Variants in TMEM268 observed in about 807,000 individuals in gnomAD.
TMEM268 encodes transmembrane protein C9orf91.
In TMEM268, 24 loss-of-function variants were observed where a neutral mutation model predicts 39.1. The observed-to-expected ratio is 0.61, with a 90% confidence interval of 0.44 to 0.86. The LOEUF is 0.86. Among genes scored for constraint, TMEM268 ranks in the 40% least tolerant of loss-of-function variants. The pLI is 0.00. For synonymous variants in TMEM268, 176 were observed against 173.5 expected (o/e 1.01, Z -0.12); for missense variants, 409 against 428.6 (o/e 0.95, Z 0.40).
At chr9:114,604,534 C>T in the TMEM268 span, among the ~76,000 whole-genome samples, 2 of 137,016 alleles carry the variant, frequency 1.5e-5, no homozygotes, top group Non-Finnish European at 3.0e-5. Flanking sequence ...GAGCTGAGAT[C>T]GAGATCGCAC....
chr9:114,639,976 C>T (rs1846823050), intron 8 of TMEM268, among the ~76,000 whole-genome samples: 1 of 150,526 alleles, frequency 6.6e-6, no homozygotes, highest in Admixed American at 6.6e-5. Flanking sequence ...TCTTGAACTC[C>T]TGAGCTCAAG....
rs752799336 is a variant in TMEM268 at position 114,624,399 on chromosome 9, T to C, written c.156T>C (p.Cys52=). The C allele has an allele frequency of 1.0e-5, 16 of 1,603,600 alleles. No individual in the cohort carries two copies. The South Asian group carries it at 1.6e-4, about 16-fold the overall frequency. Residue 52 remains cysteine, a synonymous_variant, in exon 3 of 9, where the codon TGT becomes TGC. Coordinates refer to ENST00000288502, the MANE Select transcript of TMEM268 (RefSeq NM_153045.4). The stretch of plus-strand genomic sequence containing the variant: ...CTGTTCTCCGGATTGACAATACCTG[T>C]GCACCCATCTCCTTCGACCTGGGAG... ...VLTVLRIDNT[C]APISFDLGAA... is the part of the protein sequence containing the mutation.
the TMEM268 span, among the ~76,000 whole-genome samples, chr9:114,606,095 T>C: frequency 3.3e-5 from 5 of 152,054 alleles, no homozygotes; most frequent in Admixed American, 6.6e-5. Flanking sequence ...AAAAGACCGA[T>C]AGTCTAGTTA....
intron 6 of TMEM268, among the ~76,000 whole-genome samples, chr9:114,634,514 G>C (rs1363111235): frequency 1.3e-5 from 2 of 152,158 alleles, no homozygotes; most frequent in South Asian, 2.1e-4. Context: ...GGCGTGGCAG[G>C]GTGGGTCAGA....
At chr9:114,605,529 A>T in the TMEM268 span, among the ~76,000 whole-genome samples, 2 of 152,162 alleles carry the variant, frequency 1.3e-5, no homozygotes, top group African/African-American at 2.4e-5. Flanking sequence ...TCAGCTGTGA[A>T]TTTAAAGCCA....
chr9:114,628,191 C>G lies in TMEM268; in HGVS notation c.415C>G (p.Leu139Val), dbSNP rs773356275. The G allele has an allele frequency of 1.2e-6, 2 of 1,614,196 alleles. No homozygotes were observed. Among genetic ancestry groups the G allele is most frequent in the Admixed American group, 3.3e-5 (2 of 60,018 alleles). Residue 139 changes from leucine to valine, a missense_variant, in exon 5 of 9, where the codon CTG (leucine) becomes GTG (valine). Coordinates refer to ENST00000288502, the MANE Select transcript of TMEM268 (RefSeq NM_153045.4). ...NHWAGMLLVT[L>V]AAVSLTLTLV... ...CTGGGCTGGCATGCTGCTCGTGACCCTGGCCGCGGTGAGCCTGACCTTGAC... is the reference window on the plus strand; with the variant it reads ...CTGGGCTGGCATGCTGCTCGTGACCGTGGCCGCGGTGAGCCTGACCTTGAC...
At chr9:114,622,059 G>T (rs1181287782) in intron 2 of TMEM268, 9 of 985,056 alleles carry the variant, frequency 9.1e-6, no homozygotes, top group Non-Finnish European at 1.1e-5. Flanking sequence ...AGGTGAGGAT[G>T]CCAGGAGGGC....
In TMEM268 at chr9:114,626,950, C is replaced by A. The variant is rs772884544; in HGVS notation, c.268C>A (p.Gln90Lys). 6.2e-7 allele frequency: 1 copy of A among 1,613,752 alleles called. No individual in the cohort carries two copies. The highest frequency in any genetic ancestry group is 1.3e-5 in the African/African-American group (1 of 75,036). ...GGCTGAGAGTGCCCTCTTGGAGCCC[C>A]AAGTGAGAAGATATATCATCTACAA... ...SLAESALLEP[Q>K]VRRYIIYNSR... The change falls in exon 4 of 9, where the codon CAA becomes AAA. Residue 90 changes from glutamine to lysine, a missense_variant. Physicochemically the swap from Gln to Lys is moderately conservative, Grantham distance 53 (BLOSUM62 1). Coordinates refer to ENST00000288502, the MANE Select transcript of TMEM268 (RefSeq NM_153045.4).
intron 5 of TMEM268, among the ~76,000 whole-genome samples, chr9:114,631,380 A>T (rs1244758815): frequency 6.6e-6 from 1 of 152,070 alleles, no homozygotes; most frequent in African/African-American, 2.4e-5. Flanking sequence ...AGTTCCTACA[A>T]ATATTTGCGG....
intron 4 of TMEM268, among the ~76,000 whole-genome samples, chr9:114,627,507 C>G (rs1846214841): frequency 6.6e-6 from 1 of 152,142 alleles, no homozygotes; most frequent in African/African-American, 2.4e-5. Context: ...CCCAGGCAGT[C>G]TGGTTTCAGC....
the TMEM268 span, among the ~76,000 whole-genome samples, chr9:114,605,507 C>A: frequency 3.3e-5 from 5 of 152,178 alleles, no homozygotes; most frequent in East Asian, 9.6e-4. Context: ...TCAGATGCCA[C>A]TGGCTCCTGG....
At position 114,617,194 on chromosome 9, in the gene TMEM268, C is replaced by T; in HGVS notation, c.-2C>T. ...GGAAGTAGAAACAGCTGGCGCCCTG[C>T]CATGGCCTGTGAACCACAGGTGGAC... On this transcript the variant is annotated 5_prime_UTR_variant, in exon 2 of 9. Coordinates refer to ENST00000288502, the MANE Select transcript of TMEM268 (RefSeq NM_153045.4). 1 of 1,597,260 alleles carries T rather than the reference C, an allele frequency of 6.3e-7. No individual in the cohort carries two copies. Among genetic ancestry groups the T allele is most frequent in the Non-Finnish European group, 8.5e-7 (1 of 1,171,360 alleles).
Position 114,645,866 on chromosome 9 carries a change from C to T in TMEM268, c.*2553C>T, listed in dbSNP as rs1399561596. The T allele has an allele frequency of 7.2e-5, 11 of 152,226 alleles. No homozygotes were observed. Among genetic ancestry groups the T allele is most frequent in the Admixed American group, 7.2e-4 (11 of 15,276 alleles). The allele number at this position is 152,226 out of a possible 1,614,324, so 9.4% of individuals were successfully genotyped here. A position where few individuals can be genotyped will look rare whatever the true frequency, so the allele number is the denominator to read the frequency against. The stretch of plus-strand genomic sequence containing the variant: ...CTCAGTTTCCTCATTTATAAAATCC[C>T]TATGATCTCTGTCTCACCTACTTTA... On this transcript the variant is annotated 3_prime_UTR_variant, in exon 9 of 9. Transcript: ENST00000288502.
chr9:114,630,278 C>CCA (rs61363886), intron 5 of TMEM268, among the ~76,000 whole-genome samples: 100,894 of 146,704 alleles, frequency 0.69, 34,591 homozygotes, highest in East Asian at 0.74. Flanking sequence ...CAATATATAT[C>CCA]TATCCATCCA....
At chr9:114,627,848 C>T (rs747765243) in intron 4 of TMEM268, among the ~76,000 whole-genome samples, 59 of 152,192 alleles carry the variant, frequency 3.9e-4, no homozygotes, top group Non-Finnish European at 7.6e-4. Flanking sequence ...CTGCCTTTTT[C>T]TGTTTTATTT....
chr9:114,616,251 G>A (rs1165938321), intron 1 of TMEM268, among the ~76,000 whole-genome samples: 10 of 151,946 alleles, frequency 6.6e-5, no homozygotes, highest in East Asian at 5.8e-4. Flanking sequence ...TCCTGACCTC[G>A]TGATGTGCCA....
chr9:114,643,262 C>T lies in TMEM268; in HGVS notation c.978C>T (p.Leu326=), dbSNP rs1447855100. ...NSPRIPCPCQ[L]IEAYILGTGC... The stretch of plus-strand genomic sequence containing the variant: ...CGAGAATTCCATGCCCCTGCCAGCT[C>T]ATAGAAGCCTACATCCTAGGCACAG... Residue 326 remains leucine, a synonymous_variant, in exon 9 of 9, where the codon CTC becomes CTT. Coordinates refer to ENST00000288502, the MANE Select transcript of TMEM268 (RefSeq NM_153045.4). 2 of 1,614,180 alleles carry T rather than the reference C, an allele frequency of 1.2e-6. No homozygotes were observed. Among genetic ancestry groups the T allele is most frequent in the East Asian group, 2.2e-5 (1 of 44,882 alleles).
At chr9:114,622,489 A>C in intron 2 of TMEM268, 1 of 985,120 alleles carries the variant, frequency 1.0e-6, no homozygotes, top group Non-Finnish European at 1.2e-6. Flanking sequence ...CTCTACTTGG[A>C]ACTGCAGGCA....
At chr9:114,616,340 T>C (rs894136424) in intron 1 of TMEM268, among the ~76,000 whole-genome samples, 2 of 148,386 alleles carry the variant, frequency 1.3e-5, no homozygotes, top group East Asian at 4.0e-4. Context: ...TTTCCTACCA[T>C]CTGATTTTGT....
Sources: allele counts gnomAD v4.1 joint callset (sites outside exome capture counted in the v4.1 genomes callset), GRCh38; gene constraint gnomAD v4.1.1; transcripts MANE v1.5; gene names NCBI Gene and HGNC (gene_info 2026-07-23, HGNC 2026-07-21).